Variants in MUC7 observed in about 807,000 individuals in gnomAD.
The protein encoded by MUC7 is mucin 7, secreted.
In MUC7, 2 loss-of-function variants were observed where a neutral mutation model predicts 2.5. That is an observed-to-expected ratio of 0.81 (90% CI 0.33 to 2.55). The LOEUF is 2.55. Ranked by LOEUF, MUC7 falls within the 30% of genes most tolerant of loss-of-function variation. MUC7 has a pLI of 0.11. For missense variants in MUC7, 408 were observed against 455.6 expected, an observed-to-expected ratio of 0.90 and a Z score of 0.95; for synonymous variants, 133 against 173.4, an observed-to-expected ratio of 0.77 and a Z score of 1.83.
intron 1 of MUC7, among the ~76,000 whole-genome samples, chr4:70,450,781 A>T (rs1734259877): frequency 6.6e-6 from 1 of 152,100 alleles, no homozygotes; most frequent in Admixed American, 6.5e-5. Flanking sequence ...CATGACTCTG[A>T]CCAATGCCCT....
intron 2 of MUC7, among the ~76,000 whole-genome samples, chr4:70,475,444 T>C (rs11249502): frequency 3.9e-5 from 6 of 151,958 alleles, no homozygotes; most frequent in African/African-American, 1.4e-4. Flanking sequence ...TAAAACATAC[T>C]TGAAGCCATG....
At chr4:70,448,870 C>T (rs933441268) in intron 1 of MUC7, among the ~76,000 whole-genome samples, 1 of 152,060 alleles carries the variant, frequency 6.6e-6, no homozygotes, top group Non-Finnish European at 1.5e-5. Context: ...TGGAGAGTTT[C>T]CCCAATGTTT....
intron 1 of MUC7, among the ~76,000 whole-genome samples, chr4:70,458,815 G>A (rs1031733036): frequency 6.6e-6 from 1 of 151,670 alleles, no homozygotes; most frequent in Non-Finnish European, 1.5e-5. Flanking sequence ...ATGATTATAA[G>A]AAAAACAGAC....
chr4:70,431,100 A>C (rs2109782747), intron 1 of MUC7, among the ~76,000 whole-genome samples: 1 of 152,246 alleles, frequency 6.6e-6, no homozygotes, highest in Admixed American at 6.5e-5. Context: ...ATTTTGGCTA[A>C]GAAAAACTCC....
Position 70,481,273 on chromosome 4 carries a change from C to A in MUC7, c.529C>A (p.Pro177Thr). 1.9e-6 allele frequency: 3 copies of A among 1,613,924 alleles called. No individual in the cohort carries two copies. The highest frequency in any genetic ancestry group is 2.5e-6 in the Non-Finnish European group (3 of 1,179,940). ...CCCACCCACACCTTCTGCAACTACACCAGCTCCACCATCTTCCTCAGCTCC... is the reference window on the plus strand; with the variant it reads ...CCCACCCACACCTTCTGCAACTACAACAGCTCCACCATCTTCCTCAGCTCC... ...AAPPTPSATT[P>T]APPSSSAPPE... Residue 177 changes from proline to threonine, a missense_variant, in exon 3 of 3, where the codon CCA becomes ACA. Pro to Thr is a conservative substitution (Grantham distance 38). Transcript: ENST00000304887.
chr4:70,468,671 A>T (rs1734742824), upstream of MUC7, among the ~76,000 whole-genome samples: 2 of 152,240 alleles, frequency 1.3e-5, no homozygotes, highest in Admixed American at 1.3e-4. Flanking sequence ...TACAAAGAGA[A>T]TAAAATACCT....
At chr4:70,441,204 T>C (rs1250168534) in intron 1 of MUC7, among the ~76,000 whole-genome samples, 1 of 152,188 alleles carries the variant, frequency 6.6e-6, no homozygotes, top group Non-Finnish European at 1.5e-5. Context: ...ACCTTTTTAA[T>C]ATTACATATG....
intron 1 of MUC7, among the ~76,000 whole-genome samples, chr4:70,445,666 AC>A (rs1734114089): frequency 6.6e-6 from 1 of 152,100 alleles, no homozygotes; most frequent in South Asian, 2.1e-4. Flanking sequence ...ATAAATCCCA[AC>A]CCAGTCTGAG....
chr4:70,435,058 T>C (rs1191218148), intron 1 of MUC7, among the ~76,000 whole-genome samples: 4 of 152,254 alleles, frequency 2.6e-5, no homozygotes, highest in Non-Finnish European at 4.4e-5. Flanking sequence ...TTGATTGCAC[T>C]GTGGTCTAAG....
intron 1 of MUC7, among the ~76,000 whole-genome samples, chr4:70,464,612 A>G (rs573098960): frequency 6.6e-6 from 1 of 152,266 alleles, no homozygotes; most frequent in South Asian, 2.1e-4. Context: ...TTCCCCTCAC[A>G]GTGTAAAAAA....
At chr4:70,477,131 C>T (rs895742105) in intron 2 of MUC7, among the ~76,000 whole-genome samples, 4 of 151,988 alleles carry the variant, frequency 2.6e-5, no homozygotes, top group South Asian at 4.2e-4. Flanking sequence ...AATCTTGGGC[C>T]GGGTGCCGTG....
intron 1 of MUC7, among the ~76,000 whole-genome samples, chr4:70,462,347 AC>A (rs1560552648): frequency 6.6e-6 from 1 of 152,224 alleles, no homozygotes; most frequent in African/African-American, 2.4e-5. Context: ...TAATTAACAT[AC>A]TTTTTAAAAG....
At chr4:70,436,205 T>A (rs112810286) in intron 1 of MUC7, among the ~76,000 whole-genome samples, 12 of 152,294 alleles carry the variant, frequency 7.9e-5, no homozygotes, top group African/African-American at 2.9e-4. Flanking sequence ...TCGAGGAGTA[T>A]CTTTCTGGTG....
chr4:70,447,145 C>T (rs544296009), intron 1 of MUC7, among the ~76,000 whole-genome samples: 132 of 152,230 alleles, frequency 8.7e-4, no homozygotes, highest in African/African-American at 2.8e-3. Flanking sequence ...GTACAGAAAG[C>T]AGGGCCTTGA....
intron 2 of MUC7, among the ~76,000 whole-genome samples, chr4:70,475,174 G>C (rs1734960745): frequency 6.6e-6 from 1 of 152,058 alleles, no homozygotes; most frequent in Non-Finnish European, 1.5e-5. Flanking sequence ...AGCTACTCAG[G>C]AGGCTGAGAC....
chr4:70,446,113 C>T (rs761723852), intron 1 of MUC7, among the ~76,000 whole-genome samples: 6 of 152,208 alleles, frequency 3.9e-5, no homozygotes, highest in South Asian at 4.2e-4. Flanking sequence ...CATACAGAAG[C>T]TTTTGAATAC....
chr4:70,434,706 C>T (rs552452079), intron 1 of MUC7, among the ~76,000 whole-genome samples: 133 of 152,054 alleles, frequency 8.7e-4, no homozygotes, highest in African/African-American at 2.8e-3. Context: ...TGTGTCTCTA[C>T]CCCCTTCAGT....
chr4:70,457,449 C>T (rs1734442703), intron 1 of MUC7, among the ~76,000 whole-genome samples: 1 of 151,792 alleles, frequency 6.6e-6, no homozygotes, highest in Non-Finnish European at 1.5e-5. Flanking sequence ...CTCAATCAAT[C>T]AATCATGTAC....
At chr4:70,460,127 T>C (rs1007494487) in intron 1 of MUC7, among the ~76,000 whole-genome samples, 2 of 152,092 alleles carry the variant, frequency 1.3e-5, no homozygotes, top group Non-Finnish European at 1.5e-5. Context: ...ACTAGATCCT[T>C]CGCTGCTTTA....
Sources: gnomAD v4.1 joint callset for allele counts (sites outside exome capture counted in the v4.1 genomes callset) on GRCh38, gnomAD v4.1.1 for gene constraint, MANE v1.5 for transcripts, NCBI Gene and HGNC (gene_info 2026-07-23, HGNC 2026-07-21) for gene names.